MAGI3: variants seen among roughly 807,000 people sequenced by gnomAD.
The protein encoded by MAGI3 is membrane associated guanylate kinase, WW and PDZ domain containing 3.
MAGI3 carries 43 observed loss-of-function variants against 121.8 expected under a neutral mutation model. The ratio of observed to expected loss-of-function variants is 0.35; its 90% CI spans 0.28 to 0.46. The LOEUF is 0.46. Among genes scored for constraint, MAGI3 ranks in the 20% least tolerant of loss-of-function variants. The probability of loss-of-function intolerance (pLI) is 1.00; values close to 1 mark genes in which losing one functional copy is unlikely to be tolerated. For missense variants in MAGI3, 1,547 were observed against 1,797.3 expected, an observed-to-expected ratio of 0.86 and a Z score of 2.52; for synonymous variants, 553 against 639.3, an observed-to-expected ratio of 0.86 and a Z score of 2.04.
intron 9 of MAGI3, among the ~76,000 whole-genome samples, chr1:113,638,420 C>T (rs1046926995): frequency 2.6e-5 from 4 of 152,152 alleles, no homozygotes; most frequent in African/African-American, 9.7e-5. Context: ...TGTGGATGTC[C>T]TTTCTGTTTG....
chr1:113,496,771 C>T (rs978918346), intron 1 of MAGI3, among the ~76,000 whole-genome samples: 1 of 152,118 alleles, frequency 6.6e-6, no homozygotes, highest in African/African-American at 2.4e-5. Context: ...GTACCGATTA[C>T]CAAAGGTAAA....
chr1:113,589,907 A>C (rs557491634), intron 4 of MAGI3, among the ~76,000 whole-genome samples: 1 of 152,106 alleles, frequency 6.6e-6, no homozygotes, highest in African/African-American at 2.4e-5. Context: ...TATTGAGTGT[A>C]ATTTTTAAAA....
At chr1:113,599,894 C>G (rs1284075411) in intron 6 of MAGI3, among the ~76,000 whole-genome samples, 1 of 151,952 alleles carries the variant, frequency 6.6e-6, no homozygotes, top group East Asian at 1.9e-4. Flanking sequence ...GGCTTCATCC[C>G]TGGGATGCAA....
intron 20 of MAGI3, chr1:113,682,567 G>T: frequency 1.7e-6 from 2 of 1,211,850 alleles, no homozygotes; most frequent in Non-Finnish European, 2.0e-6. Flanking sequence ...CTTGGGCCAC[G>T]TAATTTGGTT....
Position 113,642,192 on chromosome 1 carries a change from TTGAC to T in MAGI3, c.1645_1648del (p.Thr549ValfsTer27). 1 of 1,614,158 alleles carries T rather than the reference TTGAC, an allele frequency of 6.2e-7. No individual in the cohort carries two copies. Among genetic ancestry groups the T allele is most frequent in the Non-Finnish European group, 8.5e-7 (1 of 1,180,030 alleles). ...GCAGAATGGAAAATCGGGACACACT[TTGAC>T]TGGTGATGGTCTCAATGGACCATCA... On this transcript the variant is annotated frameshift_variant, in exon 10 of 21. Coordinates refer to ENST00000307546, the MANE Select transcript of MAGI3 (RefSeq NM_001142782.2). LOFTEE classifies it high-confidence loss of function.
At chr1:113,468,263 G>A (rs376290437) in intron 1 of MAGI3, among the ~76,000 whole-genome samples, 2 of 152,208 alleles carry the variant, frequency 1.3e-5, no homozygotes, top group East Asian at 1.9e-4. Context: ...TTTGTTGCTT[G>A]TTTGTAATTC....
chr1:113,510,869 G>A (rs1388020073), intron 1 of MAGI3, among the ~76,000 whole-genome samples: 1 of 152,152 alleles, frequency 6.6e-6, no homozygotes, highest in Non-Finnish European at 1.5e-5. Flanking sequence ...TTTGCCCTGA[G>A]TATCCTTATT....
intron 1 of MAGI3, among the ~76,000 whole-genome samples, chr1:113,515,171 T>A (rs1209673182): frequency 6.6e-6 from 1 of 152,122 alleles, no homozygotes; most frequent in Non-Finnish European, 1.5e-5. Context: ...AAAAAAAATT[T>A]TTTTTTTGAT....
intron 5 of MAGI3, among the ~76,000 whole-genome samples, chr1:113,592,320 GGTCTATA>G (rs1648737510): frequency 6.6e-6 from 1 of 152,058 alleles, no homozygotes; most frequent in Non-Finnish European, 1.5e-5. Context: ...TGTTCATATA[GGTCTATA>G]GACTTTAGTT....
chr1:113,571,759 C>T (rs561241181), intron 2 of MAGI3, among the ~76,000 whole-genome samples: 1 of 152,170 alleles, frequency 6.6e-6, no homozygotes, highest in Non-Finnish European at 1.5e-5. Context: ...CTGAGACTTT[C>T]CTGAAGTTGC....
intron 20 of MAGI3, 70 bp downstream of exon 20, chr1:113,681,406 A>G (rs1159134048): frequency 2.0e-6 from 3 of 1,494,536 alleles, no homozygotes; most frequent in Admixed American, 4.2e-5. Flanking sequence ...AAAGGAATAT[A>G]TATTTGGAGA....
At chr1:113,398,704 G>GA (rs1570615297) in intron 1 of MAGI3, among the ~76,000 whole-genome samples, 1 of 151,876 alleles carries the variant, frequency 6.6e-6, no homozygotes, top group African/African-American at 2.4e-5. Context: ...TACAAGGTAG[G>GA]AAAAAAACAA....
chr1:113,685,127 T>TTAAC lies in MAGI3; in HGVS notation c.*1115_*1118dup, dbSNP rs1174760343. 10 of 152,380 alleles carry TTAAC rather than the reference T, an allele frequency of 6.6e-5. No individual in the cohort carries two copies. The highest frequency in any genetic ancestry group is 2.1e-4 in the South Asian group (1 of 4,834). The allele number at this position is 152,380 out of a possible 1,614,324, so 9.4% of individuals were successfully genotyped here. On this transcript the variant is annotated 3_prime_UTR_variant, in exon 21 of 21. Transcript: ENST00000307546. ...GTAGACAGTACTTACTGGATCTTAT[T>TTAAC]TAACTTTTAGCTACATTAACTAACT...
intron 2 of MAGI3, among the ~76,000 whole-genome samples, chr1:113,556,139 T>G (rs921509452): frequency 2.0e-5 from 3 of 152,098 alleles, no homozygotes; most frequent in Admixed American, 1.3e-4. Flanking sequence ...TTCAAATTAG[T>G]GATCTAAAAT....
chr1:113,652,283 T>G (rs148623056), intron 14 of MAGI3, among the ~76,000 whole-genome samples: 99 of 152,348 alleles, frequency 6.5e-4, no homozygotes, highest in Non-Finnish European at 1.2e-3. Flanking sequence ...AAGGTATGAA[T>G]TTTTATTTGT....
At chr1:113,542,337 C>T (rs375778154) in intron 1 of MAGI3, among the ~76,000 whole-genome samples, 9 of 81,970 alleles carry the variant, frequency 1.1e-4, no homozygotes, top group South Asian at 5.1e-4. Flanking sequence ...TGGAACAGGA[C>T]GGTATGGGAG....
Position 113,395,634 on chromosome 1 carries a change from G to A in MAGI3, c.316+4285G>A, listed in dbSNP as rs1281093920. 5.3e-5 allele frequency among the ~76,000 whole-genome samples: 8 copies of A among 150,126 alleles called. No homozygotes were observed. The East Asian group carries it at 5.8e-4, about 11-fold the overall frequency. ...TCTCAGTATGTATATATGTATATAC[G>A]TGTGTGTATATATATATTATATGCA... On this transcript the variant is annotated intron_variant, in intron 1 of 20. Coordinates refer to ENST00000307546, the MANE Select transcript of MAGI3 (RefSeq NM_001142782.2).
At chr1:113,580,519 C>CTT in intron 2 of MAGI3, 23 bp from the exon 3 acceptor site, 16 of 1,457,826 alleles carry the variant, frequency 1.1e-5, no homozygotes, top group South Asian at 2.6e-5. Flanking sequence ...TTACAACCTA[C>CTT]TTTTTTTTTT....
intron 15 of MAGI3, among the ~76,000 whole-genome samples, chr1:113,655,335 A>G (rs1226632589): frequency 3.9e-5 from 6 of 152,190 alleles, no homozygotes; most frequent in Non-Finnish European, 8.8e-5. Flanking sequence ...ACCACTTTCT[A>G]TATTGAAGAT....
Sources: allele counts gnomAD v4.1 joint callset (sites outside exome capture counted in the v4.1 genomes callset), GRCh38; gene constraint gnomAD v4.1.1; transcripts MANE v1.5; gene names NCBI Gene and HGNC (gene_info 2026-07-23, HGNC 2026-07-21).